TOMM70: variants seen among roughly 807,000 people sequenced by gnomAD.
TOMM70 encodes the protein translocase of outer mitochondrial membrane 70.
In TOMM70, 13 loss-of-function variants were observed where a neutral mutation model predicts 73.6. The ratio of observed to expected loss-of-function variants is 0.18; its 90% CI spans 0.11 to 0.28. The LOEUF (loss-of-function observed/expected upper bound fraction) is 0.28, where lower values mean the gene tolerates loss of function less well. Ranked by LOEUF, TOMM70 falls within the 10% of genes least tolerant of loss-of-function variation. The pLI, the probability that TOMM70 is intolerant of heterozygous loss-of-function variation, is 1.00. For missense variants in TOMM70, 609 were observed against 747.5 expected, an observed-to-expected ratio of 0.81 and a Z score of 2.16; for synonymous variants, 257 against 271.2, an observed-to-expected ratio of 0.95 and a Z score of 0.51.
intron 5 of TOMM70, 65 bp downstream of exon 5, chr3:100,381,550 G>A: frequency 6.6e-7 from 1 of 1,504,916 alleles, no homozygotes; most frequent in Non-Finnish European, 9.0e-7. Context: ...AACCCATATG[G>A]GCCCTAAGGA....
chr3:100,398,084 A>G (rs1706845639), intron 1 of TOMM70, among the ~76,000 whole-genome samples: 1 of 152,012 alleles, frequency 6.6e-6, no homozygotes. Context: ...CCACAATGAA[A>G]TGTTAAAATC....
chr3:100,368,212 G>T, intron 10 of TOMM70, 46 bp from the exon 11 acceptor site: 1 of 1,591,580 alleles, frequency 6.3e-7, no homozygotes, highest in Non-Finnish European at 8.5e-7. Context: ...CCCAGTATCA[G>T]TAGGAATACA....
chr3:100,399,843 A>G (rs1047440884), intron 1 of TOMM70, among the ~76,000 whole-genome samples: 2 of 151,082 alleles, frequency 1.3e-5, no homozygotes, highest in African/African-American at 4.9e-5. Flanking sequence ...CTTGTGCAGC[A>G]AGAGGGGACA....
chr3:100,372,479 A>G, intron 9 of TOMM70, 127 bp downstream of exon 9: 1 of 702,248 alleles, frequency 1.4e-6, no homozygotes, highest in South Asian at 2.2e-5. Flanking sequence ...GGCCATGAGA[A>G]TCAATCAGGA....
At chr3:100,384,427 C>G in intron 4 of TOMM70, 52 bp downstream of exon 4, 1 of 1,272,702 alleles carries the variant, frequency 7.9e-7, no homozygotes, top group Admixed American at 2.2e-5. Context: ...TTAGAAAATA[C>G]CCTTCACAAT....
chr3:100,369,195 ATACT>A, intron 9 of TOMM70, 60 bp from the exon 10 acceptor site: 2 of 1,159,772 alleles, frequency 1.7e-6, no homozygotes, highest in South Asian at 2.7e-5. Flanking sequence ...AGTTAAAAGT[ATACT>A]TATTATTCAT....
At chr3:100,382,350 A>C (rs1706643171) in intron 4 of TOMM70, among the ~76,000 whole-genome samples, 1 of 152,196 alleles carries the variant, frequency 6.6e-6, no homozygotes, top group African/African-American at 2.4e-5. Context: ...TATTTTGGTA[A>C]TGTCTTCATA....
chr3:100,387,636 G>A (rs1005661917), intron 1 of TOMM70, among the ~76,000 whole-genome samples: 18 of 62,862 alleles, frequency 2.9e-4, no homozygotes, highest in Admixed American at 7.3e-4. Flanking sequence ...ACACACACAC[G>A]TATATACTTT....
At chr3:100,366,630 G>C (rs1706449656) in intron 11 of TOMM70, among the ~76,000 whole-genome samples, 1 of 152,218 alleles carries the variant, frequency 6.6e-6, no homozygotes, top group Non-Finnish European at 1.5e-5. Flanking sequence ...ACAGCTAGCA[G>C]ATCTGCAAAA....
rs993772944 is a variant in TOMM70, at chr3:100,364,066, CTGAG to C, written c.*1494_*1497del. 2 of 152,188 alleles carry C rather than the reference CTGAG, an allele frequency of 1.3e-5. No homozygotes were observed. The highest frequency in any genetic ancestry group is 2.9e-5 in the Non-Finnish European group (2 of 68,050). The allele number at this position is 152,188 out of a possible 1,614,324, so 9.4% of individuals were successfully genotyped here. A position where few individuals can be genotyped will look rare whatever the true frequency, so the allele number is the denominator to read the frequency against. On this transcript the variant is annotated 3_prime_UTR_variant, in exon 12 of 12. Coordinates refer to ENST00000284320, the MANE Select transcript of TOMM70 (RefSeq NM_014820.5). ...GTTCTTAAATAAACCTCTCCCCATC[CTGAG>C]TATTTCAAAACAAAAGACCCCTGAA... is the stretch of plus-strand genomic sequence containing the variant.
chr3:100,374,370 C>T (rs1309221633), intron 7 of TOMM70, among the ~76,000 whole-genome samples: 2 of 152,194 alleles, frequency 1.3e-5, no homozygotes, highest in Non-Finnish European at 2.9e-5. Flanking sequence ...TAATAATGCA[C>T]TTCCCTGGCA....
At chr3:100,377,949 A>C in intron 5 of TOMM70, 37 bp from the exon 6 acceptor site, 2 of 1,577,418 alleles carry the variant, frequency 1.3e-6, no homozygotes, top group Non-Finnish European at 1.7e-6. Context: ...TTATTTACTA[A>C]GAAAAAATTA....
chr3:100,371,350 C>T (rs1355168988), intron 9 of TOMM70, among the ~76,000 whole-genome samples: 4 of 150,128 alleles, frequency 2.7e-5, no homozygotes, highest in African/African-American at 7.4e-5. Flanking sequence ...CTGCAACCTC[C>T]GCCTCCTGGG....
At chr3:100,399,734 A>ATTTT (rs34524680) in intron 1 of TOMM70, among the ~76,000 whole-genome samples, 9 of 126,052 alleles carry the variant, frequency 7.1e-5, no homozygotes, top group Non-Finnish European at 6.7e-5. Context: ...AGTCACTCCC[A>ATTTT]TTTTTTTTTT....
rs1178456281 is a variant in TOMM70, at chr3:100,364,572, T to C, written c.*992A>G. On this transcript the variant is annotated 3_prime_UTR_variant, in exon 12 of 12. Coordinates refer to ENST00000284320, the MANE Select transcript of TOMM70 (RefSeq NM_014820.5). ...AAAAGTTCTAAAATTTTTTAAAGGA[T>C]GGGGTCTTGCTATATTGCCCAGGCT... The C allele has an allele frequency of 6.8e-6, 1 of 146,832 alleles. No homozygotes were observed. Among genetic ancestry groups the C allele is most frequent in the Non-Finnish European group, 1.5e-5 (1 of 64,816 alleles). 9.1% of individuals were successfully genotyped at this position (146,832 alleles called of 1,614,324 possible). A position where few individuals can be genotyped will look rare whatever the true frequency, so the allele number is the denominator to read the frequency against.
At chr3:100,389,076 A>G (rs1706730625) in intron 1 of TOMM70, among the ~76,000 whole-genome samples, 1 of 152,228 alleles carries the variant, frequency 6.6e-6, no homozygotes, top group African/African-American at 2.4e-5. Context: ...AGTTGAAGAA[A>G]AATGACATGC....
chr3:100,394,526 C>CA (rs778064108), intron 1 of TOMM70, among the ~76,000 whole-genome samples: 4 of 151,904 alleles, frequency 2.6e-5, no homozygotes, highest in Non-Finnish European at 5.9e-5. Context: ...TTTTTTGAGA[C>CA]AGAGTTTTGC....
intron 2 of TOMM70, among the ~76,000 whole-genome samples, 158 bp downstream of exon 2, chr3:100,386,647 C>A (rs945802166): frequency 6.6e-6 from 1 of 152,116 alleles, no homozygotes; most frequent in Admixed American, 6.5e-5. Flanking sequence ...AGAATTTGTT[C>A]TTTAAAAAGT....
chr3:100,398,817 T>C (rs2148895871), intron 1 of TOMM70, among the ~76,000 whole-genome samples: 1 of 152,318 alleles, frequency 6.6e-6, no homozygotes, highest in East Asian at 1.9e-4. Context: ...AGTCCATAAG[T>C]TCTTCTACTA....
Sources: gnomAD v4.1 joint callset for allele counts (sites outside exome capture counted in the v4.1 genomes callset) on GRCh38, gnomAD v4.1.1 for gene constraint, MANE v1.5 for transcripts, NCBI Gene and HGNC (gene_info 2026-07-23, HGNC 2026-07-21) for gene names.